The following ATP8A1 variants were observed in gnomAD, a reference collection of about 807,000 sequenced individuals.
The protein encoded by ATP8A1 is phospholipid-transporting ATPase IA.
ATP8A1 carries 90 observed loss-of-function variants against 177.7 expected under a neutral mutation model. That is an observed-to-expected ratio of 0.51 (90% CI 0.43 to 0.60). The LOEUF is 0.60. ATP8A1 is among the 20% of genes least tolerant of loss of function. The probability of loss-of-function intolerance (pLI) is 0.00; values close to 1 mark genes in which losing one functional copy is unlikely to be tolerated. For missense variants in ATP8A1, 1,072 were observed against 1,392.8 expected (o/e 0.77, Z 3.67); for synonymous variants, 493 against 485.9 (o/e 1.01, Z -0.19).
Position 42,451,973 on chromosome 4 carries a change from C to A in ATP8A1, c.2896+8G>T. On this transcript the variant is annotated splice_region_variant and intron_variant, in intron 30 of 36. Coordinates refer to ENST00000381668, the MANE Select transcript of ATP8A1 (RefSeq NM_006095.2). ...TCATCTCTTTGCATTCATATCCCTT[C>A]TACTTACCATACTGAAGGGCTTTTA... 6.3e-7 allele frequency: 1 copy of A among 1,596,626 alleles called. No homozygotes were observed. The highest frequency in any genetic ancestry group is 8.6e-7 in the Non-Finnish European group (1 of 1,165,210).
At chr4:42,639,409 T>C (rs1243061309) in intron 1 of ATP8A1, among the ~76,000 whole-genome samples, 1 of 152,182 alleles carries the variant, frequency 6.6e-6, no homozygotes, top group Non-Finnish European at 1.5e-5. Context: ...GAATAGATGA[T>C]ACAATGTTGT....
chr4:42,483,523 C>T (rs769650926), intron 25 of ATP8A1, among the ~76,000 whole-genome samples: 6 of 152,098 alleles, frequency 3.9e-5, no homozygotes, highest in East Asian at 1.9e-4. Flanking sequence ...CTGAGCCGCA[C>T]GTGCACGGCA....
intron 30 of ATP8A1, 152 bp from the exon 31 acceptor site, chr4:42,446,796 CTCT>C: frequency 1.6e-6 from 1 of 615,704 alleles, no homozygotes; most frequent in East Asian, 2.8e-5. Context: ...ACCCCAAACA[CTCT>C]TGAGTGCTAA....
At chr4:42,600,028 GA>G (rs1195766009) in intron 6 of ATP8A1, among the ~76,000 whole-genome samples, 2 of 152,158 alleles carry the variant, frequency 1.3e-5, no homozygotes, top group Non-Finnish European at 2.9e-5. Context: ...GATTTCATTA[GA>G]AGACAATGTT....
chr4:42,507,891 C>T (rs1190191877), intron 22 of ATP8A1, among the ~76,000 whole-genome samples: 1 of 142,738 alleles, frequency 7.0e-6, no homozygotes, highest in Admixed American at 7.1e-5. Context: ...TACATGTTAA[C>T]ACTATTAAAT....
chr4:42,623,141 T>C (rs1305893217), intron 4 of ATP8A1, among the ~76,000 whole-genome samples: 2 of 150,890 alleles, frequency 1.3e-5, no homozygotes, highest in Non-Finnish European at 3.0e-5. Flanking sequence ...AAAACCACAA[T>C]GAGATGCCAT....
intron 1 of ATP8A1, among the ~76,000 whole-genome samples, chr4:42,654,361 T>C (rs945959446): frequency 6.6e-6 from 1 of 152,140 alleles, no homozygotes; most frequent in Non-Finnish European, 1.5e-5. Context: ...ATGACAGTCA[T>C]ACATCTGGCC....
intron 12 of ATP8A1, among the ~76,000 whole-genome samples, chr4:42,577,949 G>A (rs1732641449): frequency 6.6e-6 from 1 of 152,116 alleles, no homozygotes; most frequent in Non-Finnish European, 1.5e-5. Flanking sequence ...AGTGACTTGA[G>A]AAAGTTGATA....
At chr4:42,497,876 A>G (rs1723444181) in intron 24 of ATP8A1, among the ~76,000 whole-genome samples, 1 of 152,248 alleles carries the variant, frequency 6.6e-6, no homozygotes, top group African/African-American at 2.4e-5. Context: ...ACTTGGAGTA[A>G]GCAGTGTGCC....
chr4:42,600,982 A>G (rs1014532122), intron 5 of ATP8A1, among the ~76,000 whole-genome samples: 2 of 150,974 alleles, frequency 1.3e-5, no homozygotes, highest in African/African-American at 4.9e-5. Flanking sequence ...TTAGGTTTAT[A>G]TTAATGCAAA....
At chr4:42,575,403 T>C (rs1024100338) in intron 13 of ATP8A1, among the ~76,000 whole-genome samples, 4 of 152,246 alleles carry the variant, frequency 2.6e-5, no homozygotes, top group African/African-American at 4.8e-5. Context: ...CTCGAAGCTC[T>C]TGGAGTGCTT....
chr4:42,577,271 T>G (rs1169457557), intron 12 of ATP8A1, among the ~76,000 whole-genome samples: 1 of 152,224 alleles, frequency 6.6e-6, no homozygotes, highest in Non-Finnish European at 1.5e-5. Flanking sequence ...CTTACTTATA[T>G]TTGTACATAT....
chr4:42,507,564 C>T (rs945148669), intron 22 of ATP8A1, among the ~76,000 whole-genome samples: 2 of 151,364 alleles, frequency 1.3e-5, no homozygotes, highest in African/African-American at 4.9e-5. Flanking sequence ...CACGTCTCCA[C>T]TAAAAATACA....
chr4:42,497,075 C>A (rs1416652144), intron 24 of ATP8A1, among the ~76,000 whole-genome samples: 2 of 152,154 alleles, frequency 1.3e-5, no homozygotes, highest in African/African-American at 2.4e-5. Flanking sequence ...TGGGAGATAG[C>A]TGCTGGAATA....
chr4:42,422,583 T>C (rs574491326), intron 35 of ATP8A1, among the ~76,000 whole-genome samples: 1 of 152,264 alleles, frequency 6.6e-6, no homozygotes, highest in East Asian at 1.9e-4. Context: ...TTGCCCCCAT[T>C]TTATTGATGA....
chr4:42,521,264 T>C (rs181438443), intron 22 of ATP8A1, among the ~76,000 whole-genome samples: 118 of 152,298 alleles, frequency 7.7e-4, no homozygotes, highest in African/African-American at 2.6e-3. Context: ...ATTTAGAGCA[T>C]GAATACTGGA....
At chr4:42,489,975 C>T (rs1297827440) in intron 24 of ATP8A1, among the ~76,000 whole-genome samples, 2 of 152,140 alleles carry the variant, frequency 1.3e-5, no homozygotes, top group African/African-American at 4.8e-5. Flanking sequence ...CATATTTTCA[C>T]TCGTGGGCTG....
intron 22 of ATP8A1, among the ~76,000 whole-genome samples, chr4:42,510,127 C>T (rs375357601): frequency 1.2e-4 from 18 of 152,122 alleles, no homozygotes; most frequent in African/African-American, 2.7e-4. Flanking sequence ...AATACTGCTG[C>T]AATCTAGACC....
intron 1 of ATP8A1, among the ~76,000 whole-genome samples, chr4:42,639,648 G>T (rs1739758413): frequency 6.6e-6 from 1 of 152,108 alleles, no homozygotes; most frequent in South Asian, 2.1e-4. Context: ...TGTATGTGTA[G>T]GTATATATAA....
Sources: gnomAD v4.1 joint callset for allele counts (sites outside exome capture counted in the v4.1 genomes callset) on GRCh38, gnomAD v4.1.1 for gene constraint, MANE v1.5 for transcripts, NCBI Gene and HGNC (gene_info 2026-07-23, HGNC 2026-07-21) for gene names.